The following TMEM41B variants were observed in gnomAD, a reference collection of about 807,000 sequenced individuals.
The protein encoded by TMEM41B is transmembrane protein 41B.
TMEM41B carries 18 observed loss-of-function variants against 31.9 expected under a neutral mutation model. The ratio of observed to expected loss-of-function variants is 0.56; its 90% CI spans 0.39 to 0.84. The LOEUF (loss-of-function observed/expected upper bound fraction) is 0.84. Among genes scored for constraint, TMEM41B ranks in the 40% least tolerant of loss-of-function variants. TMEM41B has a pLI of 0.00. For missense variants in TMEM41B, 322 were observed against 348.0 expected (o/e 0.93, Z 0.59); for synonymous variants, 144 against 124.3 (o/e 1.16, Z -1.05).
At chr11:9,296,352 A>G (rs912553609) in intron 2 of TMEM41B, among the ~76,000 whole-genome samples, 10 of 151,878 alleles carry the variant, frequency 6.6e-5, no homozygotes, top group African/African-American at 2.4e-4. Context: ...GGCCAGGCAC[A>G]TGGTGGCTCA....
intron 1 of TMEM41B, chr11:9,311,543 T>C (rs1590392603): frequency 8.8e-6 from 11 of 1,247,762 alleles, no homozygotes; most frequent in Non-Finnish European, 1.1e-5. Context: ...CTGAATTGCC[T>C]TGCGGAGCTC....
At chr11:9,293,889 A>T (rs1286700125) in intron 3 of TMEM41B, among the ~76,000 whole-genome samples, 1 of 152,036 alleles carries the variant, frequency 6.6e-6, no homozygotes, top group Non-Finnish European at 1.5e-5. Flanking sequence ...GCTACTTCTG[A>T]TTCTTTTTAA....
intron 1 of TMEM41B, among the ~76,000 whole-genome samples, chr11:9,305,461 G>T (rs533587647): frequency 6.6e-6 from 1 of 152,106 alleles, no homozygotes; most frequent in African/African-American, 2.4e-5. Context: ...TTAGTCAGGC[G>T]TGGTGGCACA....
chr11:9,295,238 T>C (rs1358549995), intron 3 of TMEM41B, 21 bp downstream of exon 3: 1 of 1,496,068 alleles, frequency 6.7e-7, no homozygotes, highest in Non-Finnish European at 9.0e-7. Flanking sequence ...TTAGAAAACA[T>C]TTTTTCAGTT....
intron 3 of TMEM41B, among the ~76,000 whole-genome samples, chr11:9,291,606 T>C (rs1852961735): frequency 6.6e-6 from 1 of 151,932 alleles, no homozygotes; most frequent in South Asian, 2.1e-4. Context: ...TTCACCATGT[T>C]GGCCAGGATA....
chr11:9,305,194 T>G (rs1195135767), intron 1 of TMEM41B, among the ~76,000 whole-genome samples: 1 of 147,376 alleles, frequency 6.8e-6, no homozygotes, highest in Non-Finnish European at 1.5e-5. Flanking sequence ...AGGTAAGGAA[T>G]GAGGGTAATA....
chr11:9,299,321 T>TAC (rs1303303364), intron 2 of TMEM41B, among the ~76,000 whole-genome samples: 589 of 10,510 alleles, frequency 0.056, 4 homozygotes, highest in African/African-American at 0.087. Flanking sequence ...TATATATACA[T>TAC]ACATACACAC....
chr11:9,310,035 A>ATTT (rs1564969204), intron 1 of TMEM41B, among the ~76,000 whole-genome samples: 1 of 150,330 alleles, frequency 6.7e-6, no homozygotes, highest in African/African-American at 2.5e-5. Context: ...ATGTATTATT[A>ATTT]TTATTATTAT....
rs1456860086 is a variant in TMEM41B at position 9,282,046 on chromosome 11, G to A, written c.*1378C>T. On this transcript the variant is annotated 3_prime_UTR_variant, in exon 7 of 7. Transcript: ENST00000528080. ...TGTTTGCTTTTTAGAGCCCCTTGTG[G>A]GATATTAAAGAGCCATAACAAATTA... 6.6e-6 allele frequency: 1 copy of A among 152,012 alleles called. No homozygotes were observed. Among genetic ancestry groups the A allele is most frequent in the Non-Finnish European group, 1.5e-5 (1 of 68,002 alleles). 9.4% of individuals were successfully genotyped at this position (152,012 alleles called of 1,614,324 possible).
intron 1 of TMEM41B, among the ~76,000 whole-genome samples, chr11:9,301,519 T>A (rs549730734): frequency 6.6e-6 from 1 of 152,302 alleles, no homozygotes; most frequent in East Asian, 1.9e-4. Flanking sequence ...TCCTTCTTCA[T>A]AAAAGTTTAC....
chr11:9,314,496 C>A lies in TMEM41B; in HGVS notation c.-55G>T. 6.6e-7 allele frequency: 1 copy of A among 1,511,722 alleles called. No individual in the cohort carries two copies. Among genetic ancestry groups the A allele is most frequent in the Non-Finnish European group, 8.9e-7 (1 of 1,125,506 alleles). 93.6% of individuals were successfully genotyped at this position (1,511,722 alleles called of 1,614,324 possible). ...GTGCCGCGCCCCCTAAACAACAAAA[C>A]TCTGTTGCAGGCTCCTTACTACGCC... On this transcript the variant is annotated 5_prime_UTR_variant, in exon 1 of 7. Coordinates refer to ENST00000528080, the MANE Select transcript of TMEM41B (RefSeq NM_015012.4).
intron 1 of TMEM41B, among the ~76,000 whole-genome samples, chr11:9,309,562 T>C (rs1564968991): frequency 6.7e-6 from 1 of 149,474 alleles, no homozygotes; most frequent in African/African-American, 2.4e-5. Context: ...AGTAGACACC[T>C]GAGGAGTATT....
intron 2 of TMEM41B, among the ~76,000 whole-genome samples, chr11:9,296,452 C>T (rs1029962549): frequency 6.6e-6 from 1 of 151,334 alleles, no homozygotes; most frequent in Non-Finnish European, 1.5e-5. Flanking sequence ...GTGTTGAAAC[C>T]CCGTCTCTAC....
At chr11:9,290,910 G>C (rs1852943870) in intron 3 of TMEM41B, among the ~76,000 whole-genome samples, 1 of 152,114 alleles carries the variant, frequency 6.6e-6, no homozygotes, top group Admixed American at 6.6e-5. Flanking sequence ...GAGACTAGGA[G>C]TTGAAGAACA....
At chr11:9,286,896 A>AG (rs1359499779) in intron 5 of TMEM41B, among the ~76,000 whole-genome samples, 1 of 152,106 alleles carries the variant, frequency 6.6e-6, no homozygotes, top group Non-Finnish European at 1.5e-5. Context: ...GCTACTTGGG[A>AG]GGCTGAGGCA....
chr11:9,311,318 G>A (rs1853555428), intron 1 of TMEM41B: 6 of 1,521,800 alleles, frequency 3.9e-6, no homozygotes, highest in Admixed American at 3.4e-5. Context: ...AGGAATGCTT[G>A]CTATGCTTGT....
intron 5 of TMEM41B, among the ~76,000 whole-genome samples, chr11:9,287,328 A>G (rs1051995025): frequency 2.0e-5 from 3 of 152,100 alleles, no homozygotes; most frequent in Non-Finnish European, 2.9e-5. Context: ...GAAAAGAAAA[A>G]AATGCACTGG....
chr11:9,295,358 C>T lies in TMEM41B; in HGVS notation c.269G>A (p.Arg90Lys). Residue 90 changes from arginine to lysine, a missense_variant, in exon 3 of 7, where the codon AGA (arginine) becomes AAA (lysine). Arg to Lys is a conservative substitution (Grantham distance 26, BLOSUM62 2). Around this residue, in one of 3 missense-constraint regions of TMEM41B, gnomAD observed 183 missense variants for 175.3 expected, o/e 1.04. Coordinates refer to ENST00000528080, the MANE Select transcript of TMEM41B (RefSeq NM_015012.4). ...TAGAGCCTTGGCATCATCCATATCT[C>T]TGGGAACCTTCATATTCACTCTTTC... ...EEERVNMKVP[R>K]DMDDAKALGK... is the part of the protein sequence containing the mutation. 1.3e-5 allele frequency: 20 copies of T among 1,592,226 alleles called. No individual in the cohort carries two copies. The highest frequency in any genetic ancestry group is 1.7e-5 in the Non-Finnish European group (20 of 1,170,672).
Position 9,290,781 on chromosome 11 carries a change from A to G in TMEM41B, c.369-2246T>C, listed in dbSNP as rs12807079. Among the ~76,000 whole-genome samples, 132 of 151,312 alleles carry G rather than the reference A, an allele frequency of 8.7e-4. 1 individual carries two copies. The highest frequency in any genetic ancestry group is 2.5e-3 in the African/African-American group (103 of 41,286). ...CCTAAAATTACAGCTGAAATTGGGG[A>G]AAAAAAAACAAAGTAGAGAAACTAG... On this transcript the variant is annotated intron_variant, in intron 3 of 6. Transcript: ENST00000528080.
Sources: gnomAD v4.1 joint callset for allele counts (sites outside exome capture counted in the v4.1 genomes callset) on GRCh38, gnomAD v4.1.1 for gene constraint, gnomAD v4.1.1 regional missense constraint, MANE v1.5 for transcripts, NCBI Gene and HGNC (gene_info 2026-07-23, HGNC 2026-07-21) for gene names.